Variants in TINAG observed in about 807,000 individuals in gnomAD.
The protein encoded by TINAG is tubulointerstitial nephritis antigen.
TINAG carries 83 observed loss-of-function variants against 72.7 expected under a neutral mutation model. The observed-to-expected ratio is 1.14, with a 90% CI of 0.96 to 1.37. The LOEUF is 1.37. Among genes scored for constraint, TINAG ranks in the 40% most tolerant of loss-of-function variants. TINAG has a pLI of 0.00. For synonymous variants in TINAG, 234 were observed against 189.9 expected, an observed-to-expected ratio of 1.23 and a Z score of -1.91; for missense variants, 685 against 576.6, an observed-to-expected ratio of 1.19 and a Z score of -1.93.
At chr6:54,317,491 T>C (rs1458206952) in intron 1 of TINAG, among the ~76,000 whole-genome samples, 1 of 152,132 alleles carries the variant, frequency 6.6e-6, no homozygotes, top group Non-Finnish European at 1.5e-5. Flanking sequence ...AGCTCTCTCT[T>C]GCCTGCCACC....
At chr6:54,334,994 A>G (rs1015809157) in intron 4 of TINAG, among the ~76,000 whole-genome samples, 1 of 152,092 alleles carries the variant, frequency 6.6e-6, no homozygotes, top group Non-Finnish European at 1.5e-5. Context: ...ACCCAGTGAG[A>G]AAAAATAGTG....
chr6:54,353,901 T>A (rs1360408405), intron 8 of TINAG, among the ~76,000 whole-genome samples: 1 of 151,796 alleles, frequency 6.6e-6, no homozygotes, highest in East Asian at 1.9e-4. Context: ...CAGCACACAA[T>A]AGAGAGATGA....
rs1231401237 is a variant in TINAG, at chr6:54,390,029, G to A, written c.*104G>A. 2.6e-5 allele frequency: 37 copies of A among 1,437,908 alleles called. No homozygotes were observed. Among genetic ancestry groups the A allele is most frequent in the East Asian group, 2.3e-4 (10 of 42,556 alleles). 89.1% of individuals were successfully genotyped at this position (1,437,908 alleles called of 1,614,324 possible). ...ACAGTGGAATCTTTGTCTCTTCACC[G>A]TGTTAACATAATCTATCTATTTTCT... On this transcript the variant is annotated 3_prime_UTR_variant, in exon 11 of 11. Coordinates refer to ENST00000259782, the MANE Select transcript of TINAG (RefSeq NM_014464.4).
chr6:54,360,841 GTTTTTTTTTTT>G (rs70983415), intron 9 of TINAG, among the ~76,000 whole-genome samples: 2,898 of 26,132 alleles, frequency 0.11, 42 homozygotes, highest in Non-Finnish European at 0.19. Context: ...CAGATACTGT[GTTTTTTTTTTT>G]TTTTTTTTTT....
intron 10 of TINAG, among the ~76,000 whole-genome samples, chr6:54,388,220 A>G (rs1166545512): frequency 6.6e-6 from 1 of 152,206 alleles, no homozygotes. Context: ...CTAAAAAAAT[A>G]TGAAAATTGA....
intron 7 of TINAG, among the ~76,000 whole-genome samples, chr6:54,351,015 A>G (rs755702048): frequency 6.6e-6 from 1 of 151,960 alleles, no homozygotes; most frequent in South Asian, 2.1e-4. Context: ...TGAGACATCT[A>G]ACTAAACAAT....
intron 1 of TINAG, among the ~76,000 whole-genome samples, chr6:54,309,245 T>C: frequency 6.6e-6 from 1 of 152,148 alleles, no homozygotes; most frequent in East Asian, 1.9e-4. Context: ...GACATCAGGT[T>C]TCTCAAGCCT....
At chr6:54,321,194 C>T (rs1203043894) in intron 2 of TINAG, 103 bp from the exon 3 acceptor site, 1 of 889,052 alleles carries the variant, frequency 1.1e-6, no homozygotes, top group Admixed American at 2.1e-5. Flanking sequence ...TAACATTAAT[C>T]AAGAAATTAT....
chr6:54,345,669 C>T (rs1315623193), intron 5 of TINAG, among the ~76,000 whole-genome samples: 1 of 152,016 alleles, frequency 6.6e-6, no homozygotes, highest in Admixed American at 6.6e-5. Context: ...TTGAGACTAT[C>T]AGAAGTCGTG....
In TINAG at chr6:54,385,296, G is replaced by T. The variant is rs371121387; in HGVS notation, c.1297-4495G>T. Among the ~76,000 whole-genome samples the T allele has an allele frequency of 3.3e-5, 5 of 152,012 alleles. No homozygotes were observed. The South Asian group carries it at 6.2e-4, about 19-fold the overall frequency. ...AAACAAGGAGAGACAAATTGCCATA[G>T]AAATGAAAAAAGAGAACATTGCTGC... On this transcript the variant is annotated intron_variant, in intron 10 of 10. Coordinates refer to ENST00000259782, the MANE Select transcript of TINAG (RefSeq NM_014464.4).
chr6:54,311,720 A>T (rs606444), intron 1 of TINAG, among the ~76,000 whole-genome samples: 152,312 of 152,320 alleles, frequency 1, 76,152 homozygotes, highest in Non-Finnish European at 1. Flanking sequence ...ACTTAATATC[A>T]GGTACAGCAA....
intron 1 of TINAG, among the ~76,000 whole-genome samples, chr6:54,310,702 C>G (rs1045444043): frequency 2.5e-5 from 3 of 121,570 alleles, no homozygotes; most frequent in Non-Finnish European, 5.6e-5. Context: ...TTTTTTCTCT[C>G]TCTCTTTCTC....
intron 5 of TINAG, among the ~76,000 whole-genome samples, chr6:54,346,751 G>A (rs1785133040): frequency 6.6e-6 from 1 of 151,900 alleles, no homozygotes; most frequent in African/African-American, 2.4e-5. Flanking sequence ...GAGCACAAAA[G>A]TGTGCTATGT....
intron 7 of TINAG, among the ~76,000 whole-genome samples, chr6:54,350,787 G>T (rs569909238): frequency 1.3e-5 from 2 of 151,112 alleles, no homozygotes; most frequent in African/African-American, 2.4e-5. Flanking sequence ...CTCTACAATG[G>T]ATCTTATTAA....
intron 4 of TINAG, among the ~76,000 whole-genome samples, chr6:54,333,049 A>G (rs1275816580): frequency 6.6e-6 from 1 of 152,174 alleles, no homozygotes; most frequent in Non-Finnish European, 1.5e-5. Context: ...CCATTGTGGG[A>G]GGCAGTGGGG....
chr6:54,329,992 C>T (rs900456770), intron 4 of TINAG, among the ~76,000 whole-genome samples: 15 of 151,366 alleles, frequency 9.9e-5, no homozygotes, highest in African/African-American at 2.9e-4. Context: ...AAAGACCTAC[C>T]GAGACTTAGA....
At chr6:54,334,059 G>A (rs1562157130) in intron 4 of TINAG, among the ~76,000 whole-genome samples, 1 of 152,092 alleles carries the variant, frequency 6.6e-6, no homozygotes, top group African/African-American at 2.4e-5. Flanking sequence ...CTGCTACTAG[G>A]TATCTTGCAC....
In TINAG at chr6:54,390,001, G is replaced by T; in HGVS notation, c.*76G>T. 1.3e-6 allele frequency: 2 copies of T among 1,554,548 alleles called. No individual in the cohort carries two copies. Among genetic ancestry groups the T allele is most frequent in the South Asian group, 2.4e-5 (2 of 83,202 alleles). On this transcript the variant is annotated 3_prime_UTR_variant, in exon 11 of 11. Coordinates refer to ENST00000259782, the MANE Select transcript of TINAG (RefSeq NM_014464.4). Reference sequence around the variant, plus strand: ...GAAGTTTAGCAATATGACATTCTTGGTGACAGTGGAATCTTTGTCTCTTCA... The same window carrying T: ...GAAGTTTAGCAATATGACATTCTTGTTGACAGTGGAATCTTTGTCTCTTCA...
intron 8 of TINAG, among the ~76,000 whole-genome samples, chr6:54,354,063 C>G (rs561030475): frequency 1.3e-5 from 2 of 151,922 alleles, no homozygotes; most frequent in African/African-American, 4.8e-5. Flanking sequence ...TTCCAACTCA[C>G]AAAAGAAAGG....
Sources: gnomAD v4.1 joint callset for allele counts (sites outside exome capture counted in the v4.1 genomes callset) on GRCh38, gnomAD v4.1.1 for gene constraint, MANE v1.5 for transcripts, NCBI Gene and HGNC (gene_info 2026-07-23, HGNC 2026-07-21) for gene names.